ARHGEF11: variants seen among roughly 807,000 people sequenced by gnomAD.
The protein encoded by ARHGEF11 is Rho guanine exchange factor (GEF) 11.
Under a neutral mutation model 193.7 loss-of-function variants are expected in ARHGEF11, and 55 were observed. The observed-to-expected ratio is 0.28, with a 90% CI of 0.23 to 0.36. The LOEUF (loss-of-function observed/expected upper bound fraction) is 0.36, where lower values mean the gene tolerates loss of function less well. Among genes scored for constraint, ARHGEF11 ranks in the 10% least tolerant of loss-of-function variants. The pLI, the probability that ARHGEF11 is intolerant of heterozygous loss-of-function variation, is 1.00. For synonymous variants in ARHGEF11, 693 were observed against 768.0 expected (o/e 0.90, Z 1.62); for missense variants, 1,723 against 2,005.6 (o/e 0.86, Z 2.69).
intron 6 of ARHGEF11, among the ~76,000 whole-genome samples, chr1:156,977,633 C>T (rs542546173): frequency 2.3e-4 from 35 of 152,228 alleles, no homozygotes; most frequent in African/African-American, 7.9e-4. Flanking sequence ...AGGCTGGTCT[C>T]GAACTCCTGA....
chr1:157,002,297 C>T (rs1048584168), intron 1 of ARHGEF11, among the ~76,000 whole-genome samples: 1 of 152,306 alleles, frequency 6.6e-6, no homozygotes, highest in Non-Finnish European at 1.5e-5. Context: ...AGAGAAACAA[C>T]AGCGACTGAG....
intron 18 of ARHGEF11, 109 bp downstream of exon 18, chr1:156,957,683 T>C (rs1416262162): frequency 1.2e-5 from 15 of 1,235,470 alleles, no homozygotes; most frequent in Middle Eastern, 1.9e-4. Flanking sequence ...CCTTCATGGT[T>C]GTACAACATG....
At chr1:156,940,083 T>C (rs1329946357) in intron 36 of ARHGEF11, 124 bp downstream of exon 36, 1 of 1,398,278 alleles carries the variant, frequency 7.2e-7, no homozygotes, top group African/African-American at 1.4e-5. Context: ...TGTCTCCGCA[T>C]CCATCTCTCC....
At position 156,979,241 on chromosome 1, in the gene ARHGEF11, T is replaced by G; in HGVS notation, c.319A>C (p.Lys107Gln). ...VTNSSHLEVVKLIKSGAYVAL... is the reference protein window; with the variant it reads ...VTNSSHLEVVQLIKSGAYVAL... ...CTCTCCAACTCACATTTGATCAGCTTTACCACTTCCAGGTGTGAGCTATTG... is the reference window on the plus strand; with the variant it reads ...CTCTCCAACTCACATTTGATCAGCTGTACCACTTCCAGGTGTGAGCTATTG... Residue 107 changes from lysine (K) to glutamine (Q), a missense_variant, in exon 5 of 41, where the codon AAG (lysine) becomes CAG (glutamine). Physicochemically the swap from Lys to Gln is moderately conservative, Grantham distance 53. This residue lies in a region of ARHGEF11 where 646 missense variants were observed against 710.7 expected (regional missense o/e 0.91). Coordinates refer to ENST00000368194, the MANE Select transcript of ARHGEF11 (RefSeq NM_198236.3). 1 of 1,614,074 alleles carries G rather than the reference T, an allele frequency of 6.2e-7. No individual in the cohort carries two copies. Among genetic ancestry groups the G allele is most frequent in the Non-Finnish European group, 8.5e-7 (1 of 1,179,952 alleles).
chr1:156,951,152 C>T (rs1341177433), intron 22 of ARHGEF11, among the ~76,000 whole-genome samples: 1 of 152,208 alleles, frequency 6.6e-6, no homozygotes, highest in African/African-American at 2.4e-5. Context: ...CTCTCTTCTT[C>T]ACATACAGAC....
intron 1 of ARHGEF11, among the ~76,000 whole-genome samples, chr1:156,998,249 T>C (rs1269905440): frequency 6.6e-6 from 1 of 152,198 alleles, no homozygotes; most frequent in Non-Finnish European, 1.5e-5. Flanking sequence ...CTGTGCACCC[T>C]TTTCTCCACT....
At chr1:156,971,971 A>C in intron 7 of ARHGEF11, 155 bp from the exon 8 acceptor site, 3 of 884,686 alleles carry the variant, frequency 3.4e-6, no homozygotes, top group African/African-American at 1.7e-5. Context: ...ACGGTATTTC[A>C]ACATCATTCA....
intron 22 of ARHGEF11, chr1:156,949,145 C>G (rs572582003): frequency 1.0e-6 from 1 of 982,414 alleles, no homozygotes; most frequent in East Asian, 1.1e-4. Context: ...GATTCCATTT[C>G]CTCTCAAGAG....
chr1:156,965,642 C>CAT (rs1262180799), intron 11 of ARHGEF11, among the ~76,000 whole-genome samples: 1 of 152,128 alleles, frequency 6.6e-6, no homozygotes, highest in Non-Finnish European at 1.5e-5. Flanking sequence ...ACTAGAGTAT[C>CAT]ATATGTTGTC....
At chr1:157,042,572 T>C (rs1449639210) in intron 1 of ARHGEF11, among the ~76,000 whole-genome samples, 1 of 152,180 alleles carries the variant, frequency 6.6e-6, no homozygotes, top group Non-Finnish European at 1.5e-5. Context: ...TAACCTCTGA[T>C]GCTTCTGTCT....
At chr1:157,007,027 G>A (rs1027558226) in intron 1 of ARHGEF11, among the ~76,000 whole-genome samples, 1 of 152,162 alleles carries the variant, frequency 6.6e-6, no homozygotes, top group Non-Finnish European at 1.5e-5. Context: ...GGGGGAGGCG[G>A]CAGAGGTACC....
rs116356211 is a variant in ARHGEF11 at position 156,938,835 on chromosome 1, C to A, written c.4097-322G>T. Reference sequence around the variant, plus strand: ...GGAGGGCAGGCCCACTAGCGTGGAACCCCATCCCATGTGTGCCCCAGGCTT... The same window carrying A: ...GGAGGGCAGGCCCACTAGCGTGGAAACCCATCCCATGTGTGCCCCAGGCTT... On this transcript the variant is annotated intron_variant, in intron 37 of 40. Transcript: ENST00000368194. 4.4e-3 allele frequency: 1,538 copies of A among 350,784 alleles called. 22 individuals are homozygous for A. The highest frequency in any genetic ancestry group is 0.028 in the African/African-American group (1,338 of 47,692). The allele number at this position is 350,784 out of a possible 1,614,324, so 21.7% of individuals were successfully genotyped here.
intron 1 of ARHGEF11, among the ~76,000 whole-genome samples, chr1:156,996,752 G>A (rs543268496): frequency 3.6e-4 from 41 of 114,202 alleles, no homozygotes; most frequent in Non-Finnish European, 5.0e-4. Flanking sequence ...CATCCTGGGC[G>A]ACAGAGCGAG....
intron 1 of ARHGEF11, among the ~76,000 whole-genome samples, chr1:156,998,067 C>T (rs998541777): frequency 2.0e-5 from 3 of 152,142 alleles, no homozygotes; most frequent in Non-Finnish European, 4.4e-5. Context: ...TCCCACAGCA[C>T]CTGGTATATA....
intron 1 of ARHGEF11, among the ~76,000 whole-genome samples, chr1:157,007,469 C>G (rs545471910): frequency 6.6e-6 from 1 of 151,976 alleles, no homozygotes; most frequent in East Asian, 1.9e-4. Flanking sequence ...AATGGAACTT[C>G]TTATTACAGT....
chr1:157,043,809 C>G (rs1673043092), intron 1 of ARHGEF11, among the ~76,000 whole-genome samples: 1 of 152,178 alleles, frequency 6.6e-6, no homozygotes, highest in South Asian at 2.1e-4. Context: ...CCAAGAACAT[C>G]CTCTTCATTT....
At chr1:156,965,706 C>G (rs1169197336) in intron 11 of ARHGEF11, among the ~76,000 whole-genome samples, 1 of 152,258 alleles carries the variant, frequency 6.6e-6, no homozygotes, top group East Asian at 1.9e-4. Context: ...AGAATAGGTT[C>G]AGAGAGGCTT....
intron 1 of ARHGEF11, among the ~76,000 whole-genome samples, chr1:156,994,767 T>C (rs1666245597): frequency 6.6e-6 from 1 of 152,192 alleles, no homozygotes; most frequent in Non-Finnish European, 1.5e-5. Context: ...GGCTCAGCCC[T>C]TTCTTGGCTA....
intron 18 of ARHGEF11, among the ~76,000 whole-genome samples, chr1:156,957,562 G>A (rs1414124974): frequency 2.6e-5 from 4 of 152,198 alleles, no homozygotes; most frequent in Non-Finnish European, 5.9e-5. Flanking sequence ...CCACTGAGGA[G>A]CAGACCCACA....
Sources: gnomAD v4.1 joint callset for allele counts (sites outside exome capture counted in the v4.1 genomes callset) on GRCh38, gnomAD v4.1.1 for gene constraint, gnomAD v4.1.1 regional missense constraint, MANE v1.5 for transcripts, NCBI Gene and HGNC (gene_info 2026-07-23, HGNC 2026-07-21) for gene names.